Variants in TRAPPC9 observed in about 807,000 individuals in gnomAD.
The protein encoded by TRAPPC9 is trafficking protein particle complex subunit 9, also known as IKK2 binding protein.
In TRAPPC9, 83 loss-of-function variants were observed where a neutral mutation model predicts 124.0. The observed-to-expected ratio is 0.67, with a 90% CI of 0.56 to 0.80. The LOEUF (loss-of-function observed/expected upper bound fraction) is 0.80, where lower values mean the gene tolerates loss of function less well. Ranked by LOEUF, TRAPPC9 falls within the 30% of genes least tolerant of loss-of-function variation. TRAPPC9 has a pLI of 0.00. For synonymous variants in TRAPPC9, 638 were observed against 617.5 expected (o/e 1.03, Z -0.49); for missense variants, 1,302 against 1,508.3 (o/e 0.86, Z 2.27).
intron 16 of TRAPPC9, 39 bp from the exon 17 acceptor site, chr8:140,221,622 C>A: frequency 4.4e-6 from 7 of 1,596,142 alleles, no homozygotes; most frequent in Non-Finnish European, 6.0e-6. Context: ...AACACGTCAG[C>A]TTGGTTTTGG....
chr8:139,749,855 G>A (rs561419297), intron 21 of TRAPPC9, among the ~76,000 whole-genome samples: 3 of 152,294 alleles, frequency 2.0e-5, no homozygotes, highest in East Asian at 3.9e-4. Context: ...CCTCCCTGCT[G>A]AGACTCTGGG....
intron 19 of TRAPPC9, among the ~76,000 whole-genome samples, chr8:139,923,610 C>T (rs896570398): frequency 6.6e-6 from 1 of 151,932 alleles, no homozygotes. Context: ...AGTGGCTTCC[C>T]TGACGAAGCA....
chr8:139,940,222 C>A (rs1833820077), intron 19 of TRAPPC9, among the ~76,000 whole-genome samples: 1 of 152,200 alleles, frequency 6.6e-6, no homozygotes, highest in Non-Finnish European at 1.5e-5. Context: ...TCTCTTACTT[C>A]TGAACAGTTC....
chr8:139,922,394 G>C (rs1294778358), intron 19 of TRAPPC9, among the ~76,000 whole-genome samples: 3 of 152,238 alleles, frequency 2.0e-5, no homozygotes, highest in African/African-American at 7.2e-5. Flanking sequence ...ATATTGGCCA[G>C]GCTGGTCTCA....
intron 7 of TRAPPC9, among the ~76,000 whole-genome samples, chr8:140,395,804 C>T (rs1457026784): frequency 1.3e-5 from 2 of 152,076 alleles, no homozygotes; most frequent in African/African-American, 4.8e-5. Context: ...CAGACCCACA[C>T]CTCTCTCGTT....
At chr8:140,276,496 A>C (rs2065126720) in intron 14 of TRAPPC9, among the ~76,000 whole-genome samples, 1 of 152,200 alleles carries the variant, frequency 6.6e-6, no homozygotes, top group South Asian at 2.1e-4. Flanking sequence ...CGTGCAACAC[A>C]GAAGCCAGGG....
intron 18 of TRAPPC9, among the ~76,000 whole-genome samples, chr8:139,998,041 T>TAGACAATGCATCCTACACAGGG (rs1838154789): frequency 9.5e-6 from 1 of 104,716 alleles, no homozygotes; most frequent in African/African-American, 3.8e-5. Context: ...CCTACACAGG[T>TAGACAATGCATCCTACACAGGG]AGACAATGCA....
chr8:139,899,917 G>A (rs1426267836), intron 20 of TRAPPC9, among the ~76,000 whole-genome samples: 1 of 152,114 alleles, frequency 6.6e-6, no homozygotes, highest in Non-Finnish European at 1.5e-5. Flanking sequence ...AGACTCTTGT[G>A]CCTAATTTCC....
At chr8:139,772,502 C>T (rs977540826) in intron 21 of TRAPPC9, among the ~76,000 whole-genome samples, 1 of 152,224 alleles carries the variant, frequency 6.6e-6, no homozygotes, top group Non-Finnish European at 1.5e-5. Context: ...AAGTCCCACA[C>T]TCTGCCTGTG....
intron 16 of TRAPPC9, among the ~76,000 whole-genome samples, chr8:140,233,623 C>CACACA (rs1554648047): frequency 6.6e-5 from 6 of 90,860 alleles, no homozygotes; most frequent in African/African-American, 2.6e-4. Context: ...TCTCTCCCCA[C>CACACA]CACACACACA....
At chr8:139,874,851 C>T (rs1829220259) in intron 21 of TRAPPC9, among the ~76,000 whole-genome samples, 3 of 152,144 alleles carry the variant, frequency 2.0e-5, no homozygotes, top group Non-Finnish European at 4.4e-5. Context: ...CCCTGAGCGC[C>T]GTGGGAAAGA....
chr8:140,004,329 A>G (rs1383871255), intron 18 of TRAPPC9, among the ~76,000 whole-genome samples: 1 of 152,186 alleles, frequency 6.6e-6, no homozygotes, highest in Non-Finnish European at 1.5e-5. Context: ...CGTGCACCAA[A>G]AAAGTTCATT....
chr8:140,451,110 C>G lies in TRAPPC9; in HGVS notation c.264G>C (p.Ser88=). 1 of 1,613,962 alleles carries G rather than the reference C, an allele frequency of 6.2e-7. No homozygotes were observed. Residue 88 remains serine, a synonymous_variant, in exon 2 of 23, where the codon TCG becomes TCC. Coordinates refer to ENST00000438773, the MANE Select transcript of TRAPPC9 (RefSeq NM_001160372.4). ...CAAAGGTCTGTGGCCAGTCCTTGGC[C>G]GAGAAGCAGTCTGTGATGGTGATGA... The part of the protein sequence containing the change: ...VGLITITDCF[S]AKDWPQTFEK...
At chr8:140,272,411 GTGATGGTGA>G (rs1457298466) in intron 15 of TRAPPC9, among the ~76,000 whole-genome samples, 4 of 115,422 alleles carry the variant, frequency 3.5e-5, no homozygotes, top group African/African-American at 1.1e-4. Flanking sequence ...GGTGATAATG[GTGATGGTGA>G]TGGTGGTGAT....
intron 18 of TRAPPC9, among the ~76,000 whole-genome samples, chr8:139,994,212 G>A (rs1837824322): frequency 6.6e-6 from 1 of 152,252 alleles, no homozygotes; most frequent in Non-Finnish European, 1.5e-5. Context: ...GGCAGCAGAG[G>A]AGAAGGTGAT....
chr8:140,224,743 A>G (rs2063407809), intron 16 of TRAPPC9, among the ~76,000 whole-genome samples: 1 of 152,068 alleles, frequency 6.6e-6, no homozygotes, highest in Non-Finnish European at 1.5e-5. Context: ...ATATCCTAAT[A>G]TGCCCCAATT....
intron 21 of TRAPPC9, among the ~76,000 whole-genome samples, chr8:139,779,814 T>C (rs1481278656): frequency 6.6e-6 from 1 of 152,046 alleles, no homozygotes; most frequent in Non-Finnish European, 1.5e-5. Flanking sequence ...TGAAGAGCAA[T>C]AATTAGAAGG....
chr8:139,927,902 CAA>C (rs992086694), intron 19 of TRAPPC9, among the ~76,000 whole-genome samples: 80 of 152,160 alleles, frequency 5.3e-4, no homozygotes, highest in African/African-American at 1.9e-3. Flanking sequence ...TCCTGGAACA[CAA>C]GAGCTAATCC....
chr8:140,010,959 C>G (rs772266609), intron 18 of TRAPPC9, among the ~76,000 whole-genome samples: 1 of 151,988 alleles, frequency 6.6e-6, no homozygotes, highest in Non-Finnish European at 1.5e-5. Flanking sequence ...AATGAGGAGA[C>G]CTAGATTTAC....
Sources: allele counts gnomAD v4.1 joint callset (sites outside exome capture counted in the v4.1 genomes callset), GRCh38; gene constraint gnomAD v4.1.1; transcripts MANE v1.5; gene names NCBI Gene and HGNC (gene_info 2026-07-23, HGNC 2026-07-21).